The following PLCB1 variants were observed in gnomAD, a reference collection of about 807,000 sequenced individuals.
PLCB1 encodes the protein phospholipase C beta 1.
In PLCB1, 46 loss-of-function variants were observed where a neutral mutation model predicts 161.8. That is an observed-to-expected ratio of 0.28 (90% CI 0.22 to 0.36). The LOEUF (loss-of-function observed/expected upper bound fraction) is 0.36. Ranked by LOEUF, PLCB1 falls within the 10% of genes least tolerant of loss-of-function variation. The pLI, the probability that PLCB1 is intolerant of heterozygous loss-of-function variation, is 1.00. For missense variants in PLCB1, 1,016 were observed against 1,472.5 expected (o/e 0.69, Z 5.07); for synonymous variants, 517 against 503.7 (o/e 1.03, Z -0.35).
At chr20:8,173,870 G>A (rs575374901) in intron 2 of PLCB1, among the ~76,000 whole-genome samples, 1 of 152,276 alleles carries the variant, frequency 6.6e-6, no homozygotes, top group African/African-American at 2.4e-5. Context: ...CAATAGGTGG[G>A]TTCAATAGTA....
chr20:8,837,206 G>C (rs1046668472), intron 31 of PLCB1, among the ~76,000 whole-genome samples: 11 of 152,142 alleles, frequency 7.2e-5, no homozygotes, highest in Non-Finnish European at 1.6e-4. Flanking sequence ...GCAAGATGAT[G>C]CTGATTCTAT....
intron 3 of PLCB1, among the ~76,000 whole-genome samples, chr20:8,617,889 C>T (rs1017780474): frequency 6.6e-6 from 1 of 151,792 alleles, no homozygotes; most frequent in Non-Finnish European, 1.5e-5. Context: ...TTTTTAAGTA[C>T]CTAAGATAGT....
chr20:8,277,502 G>T (rs986498071), intron 2 of PLCB1, among the ~76,000 whole-genome samples: 1 of 151,666 alleles, frequency 6.6e-6, no homozygotes, highest in East Asian at 1.9e-4. Context: ...ATATTTCTTA[G>T]ATATATAAAT....
chr20:8,139,579 T>TA (rs202078472), intron 1 of PLCB1, among the ~76,000 whole-genome samples: 5 of 151,860 alleles, frequency 3.3e-5, no homozygotes, highest in African/African-American at 7.3e-5. Context: ...ATTTTGCCAT[T>TA]AAAAAAAACA....
chr20:8,782,651 T>C (rs936343959), intron 27 of PLCB1, among the ~76,000 whole-genome samples: 93 of 152,302 alleles, frequency 6.1e-4, no homozygotes, highest in African/African-American at 2.1e-3. Flanking sequence ...CTCTACCTTG[T>C]TTTCAAATTG....
chr20:8,187,886 A>G (rs1177573789), intron 2 of PLCB1, among the ~76,000 whole-genome samples: 1 of 152,050 alleles, frequency 6.6e-6, no homozygotes, highest in African/African-American at 2.4e-5. Flanking sequence ...CTGTGTACAT[A>G]TATGTATGTT....
chr20:8,733,533 C>A, intron 19 of PLCB1, 141 bp downstream of exon 19: 2 of 690,500 alleles, frequency 2.9e-6, no homozygotes, highest in Non-Finnish European at 4.7e-6. Flanking sequence ...CTCTAAAGAT[C>A]AAATACACAT....
At chr20:8,170,349 A>G (rs1050676241) in intron 2 of PLCB1, among the ~76,000 whole-genome samples, 7 of 152,170 alleles carry the variant, frequency 4.6e-5, no homozygotes, top group African/African-American at 1.4e-4. Context: ...CATAAACTCT[A>G]TTTAAAAACA....
At chr20:8,284,559 A>G (rs543851045) in intron 2 of PLCB1, among the ~76,000 whole-genome samples, 106 of 152,242 alleles carry the variant, frequency 7.0e-4, no homozygotes, top group African/African-American at 2.5e-3. Flanking sequence ...ACAACATAGC[A>G]AGACTCTGTC....
chr20:8,429,335 G>A (rs1001553745), intron 3 of PLCB1, among the ~76,000 whole-genome samples: 2 of 152,152 alleles, frequency 1.3e-5, no homozygotes, highest in African/African-American at 4.8e-5. Context: ...AGAATTTCCT[G>A]GTAGACCTTT....
intron 31 of PLCB1, among the ~76,000 whole-genome samples, chr20:8,825,565 A>T (rs1985653537): frequency 6.6e-6 from 1 of 152,238 alleles, no homozygotes; most frequent in Non-Finnish European, 1.5e-5. Context: ...ACAGAGCATC[A>T]GGAAAAGAAT....
intron 10 of PLCB1, among the ~76,000 whole-genome samples, chr20:8,686,692 C>G (rs565471038): frequency 8.6e-4 from 131 of 152,176 alleles, no homozygotes; most frequent in Non-Finnish European, 1.5e-3. Flanking sequence ...TTTGAGAGAC[C>G]AAATTGTCTC....
chr20:8,725,380 G>A (rs1300452507), intron 16 of PLCB1, among the ~76,000 whole-genome samples: 1 of 152,086 alleles, frequency 6.6e-6, no homozygotes, highest in Non-Finnish European at 1.5e-5. Context: ...TGAAGCGTAA[G>A]ATGCTATCAG....
intron 2 of PLCB1, among the ~76,000 whole-genome samples, chr20:8,190,099 A>G (rs1433488909): frequency 6.6e-6 from 1 of 152,066 alleles, no homozygotes; most frequent in Non-Finnish European, 1.5e-5. Context: ...TTCCATACCA[A>G]CACCTAAAGA....
rs549614372 is a variant in PLCB1, at chr20:8,854,746, C to T, written c.3424-26876C>T. Among the ~76,000 whole-genome samples the T allele has an allele frequency of 2.6e-5, 4 of 152,318 alleles. No individual in the cohort carries two copies. In the South Asian group the frequency reaches 6.2e-4, roughly 24 times the overall value. On this transcript the variant is annotated intron_variant, in intron 31 of 31. Transcript: ENST00000338037. Reference sequence around the variant, plus strand: ...CCACAGCTGGAGCAGTCTGTTTTCACGTCTCCACGCTGGCGAACGACAAAC... The same window carrying T: ...CCACAGCTGGAGCAGTCTGTTTTCATGTCTCCACGCTGGCGAACGACAAAC...
chr20:8,239,852 G>A (rs1014176759), intron 2 of PLCB1, among the ~76,000 whole-genome samples: 1 of 151,968 alleles, frequency 6.6e-6, no homozygotes, highest in Non-Finnish European at 1.5e-5. Flanking sequence ...TTTTGTTGAT[G>A]TTGATTTGGA....
chr20:8,170,111 C>G (rs1000409281), intron 2 of PLCB1, among the ~76,000 whole-genome samples: 3 of 152,072 alleles, frequency 2.0e-5, no homozygotes, highest in Non-Finnish European at 2.9e-5. Context: ...CCTGTGTACC[C>G]ATCTTAGATA....
chr20:8,853,796 C>T (rs1240734034), intron 31 of PLCB1, among the ~76,000 whole-genome samples: 2 of 152,150 alleles, frequency 1.3e-5, no homozygotes, highest in Admixed American at 6.5e-5. Flanking sequence ...CAGAATAAGA[C>T]GCTTTCTTCT....
At chr20:8,647,685 C>T (rs1252689314) in intron 5 of PLCB1, among the ~76,000 whole-genome samples, 4 of 152,100 alleles carry the variant, frequency 2.6e-5, no homozygotes, top group Admixed American at 1.3e-4. Flanking sequence ...GATAACAGTT[C>T]CCTTTGGCAG....
Sources: allele counts gnomAD v4.1 joint callset (sites outside exome capture counted in the v4.1 genomes callset), GRCh38; gene constraint gnomAD v4.1.1; transcripts MANE v1.5; gene names NCBI Gene and HGNC (gene_info 2026-07-23, HGNC 2026-07-21).